The following PRIM2 variants were observed in gnomAD, a reference collection of about 807,000 sequenced individuals.
PRIM2 encodes the protein DNA primase large subunit.
Under a neutral mutation model 67.3 loss-of-function variants are expected in PRIM2, and 39 were observed. The ratio of observed to expected loss-of-function variants is 0.58; its 90% CI spans 0.45 to 0.76. PRIM2 has a LOEUF of 0.76. Among genes scored for constraint, PRIM2 ranks in the 30% least tolerant of loss-of-function variants. The probability of loss-of-function intolerance (pLI) is 0.00; values close to 1 mark genes in which losing one functional copy is unlikely to be tolerated. For synonymous variants in PRIM2, 143 were observed against 198.7 expected (o/e 0.72, Z 2.36); for missense variants, 398 against 598.7 (o/e 0.66, Z 3.50).
intron 13 of PRIM2, among the ~76,000 whole-genome samples, chr6:57,642,563 C>T (rs1777262097): frequency 6.7e-6 from 1 of 149,658 alleles, no homozygotes; most frequent in African/African-American, 2.5e-5. Flanking sequence ...CTGCCTCAGC[C>T]TCCCGTGTAG....
intron 7 of PRIM2, among the ~76,000 whole-genome samples, chr6:57,446,858 A>G (rs1772384793): frequency 6.6e-6 from 1 of 152,122 alleles, no homozygotes; most frequent in African/African-American, 2.4e-5. Context: ...GGCTGCACCT[A>G]CTGTTCCATG....
At chr6:57,468,325 G>A (rs2127400626) in intron 7 of PRIM2, among the ~76,000 whole-genome samples, 1 of 152,300 alleles carries the variant, frequency 6.6e-6, no homozygotes, top group East Asian at 1.9e-4. Flanking sequence ...TTTATTGAGA[G>A]TTTTTAGTAT....
At chr6:57,585,526 T>G (rs1229430489) in intron 10 of PRIM2, among the ~76,000 whole-genome samples, 9 of 152,140 alleles carry the variant, frequency 5.9e-5, no homozygotes, top group Non-Finnish European at 1.3e-4. Context: ...GTGGGGAGAT[T>G]GTGGTTAAGC....
At chr6:57,433,263 A>T (rs1223528348) in intron 7 of PRIM2, among the ~76,000 whole-genome samples, 1 of 151,994 alleles carries the variant, frequency 6.6e-6, no homozygotes, top group African/African-American at 2.4e-5. Flanking sequence ...TTATACTTTA[A>T]GTTTTAGGGT....
intron 7 of PRIM2, among the ~76,000 whole-genome samples, chr6:57,469,373 G>A (rs1773282736): frequency 6.6e-6 from 1 of 152,202 alleles, no homozygotes; most frequent in Non-Finnish European, 1.5e-5. Context: ...AAAAACACTA[G>A]TGAATCACGT....
chr6:57,301,106 T>G, the PRIM2 span, among the ~76,000 whole-genome samples: 1 of 152,222 alleles, frequency 6.6e-6, no homozygotes, highest in Non-Finnish European at 1.5e-5. Flanking sequence ...TTATTATCCT[T>G]CCTACCTGTT....
intron 7 of PRIM2, among the ~76,000 whole-genome samples, chr6:57,386,246 GCAA>G (rs922780706): frequency 3.1e-4 from 44 of 142,070 alleles, no homozygotes; most frequent in African/African-American, 1.0e-3. Flanking sequence ...AACAACAACA[GCAA>G]CAACAACAAC....
chr6:57,255,617 G>A, the PRIM2 span, among the ~76,000 whole-genome samples: 1 of 152,090 alleles, frequency 6.6e-6, no homozygotes, highest in African/African-American at 2.4e-5. Context: ...TACACTGGTT[G>A]GGGAGGGAGT....
intron 5 of PRIM2, among the ~76,000 whole-genome samples, chr6:57,335,411 G>A (rs1336431802): frequency 2.6e-5 from 4 of 152,040 alleles, no homozygotes; most frequent in Admixed American, 1.3e-4. Flanking sequence ...TGGGGGCAGG[G>A]CACAGACAAA....
At chr6:57,476,259 G>A (rs1379197927) in intron 7 of PRIM2, among the ~76,000 whole-genome samples, 2 of 152,122 alleles carry the variant, frequency 1.3e-5, no homozygotes, top group Non-Finnish European at 2.9e-5. Flanking sequence ...TTTAGTGTCA[G>A]TACCCAGTTG....
intron 7 of PRIM2, among the ~76,000 whole-genome samples, chr6:57,429,645 T>A (rs4569967): frequency 6.6e-6 from 1 of 152,150 alleles, no homozygotes; most frequent in East Asian, 1.9e-4. Flanking sequence ...TAAGTTAAAA[T>A]GAGGCTTTTA....
At chr6:57,408,477 G>A (rs1770974690) in intron 7 of PRIM2, among the ~76,000 whole-genome samples, 1 of 152,170 alleles carries the variant, frequency 6.6e-6, no homozygotes, top group Non-Finnish European at 1.5e-5. Flanking sequence ...CCATGAGAAA[G>A]TAGATTTGTT....
intron 7 of PRIM2, among the ~76,000 whole-genome samples, chr6:57,427,351 C>T (rs1334008640): frequency 6.6e-6 from 1 of 152,152 alleles, no homozygotes; most frequent in Non-Finnish European, 1.5e-5. Context: ...AGACTTGTCG[C>T]TCTGTTGCTC....
chr6:57,373,381 A>T (rs902167519), intron 5 of PRIM2, among the ~76,000 whole-genome samples: 1 of 151,824 alleles, frequency 6.6e-6, no homozygotes, highest in African/African-American at 2.4e-5. Flanking sequence ...AGATTGCAAA[A>T]ATTTTCTCCC....
intron 8 of PRIM2, among the ~76,000 whole-genome samples, chr6:57,525,179 G>A (rs1158563084): frequency 6.6e-6 from 1 of 151,310 alleles, no homozygotes; most frequent in Non-Finnish European, 1.5e-5. Flanking sequence ...CGTCTGTTAT[G>A]TGATAACCCT....
intron 5 of PRIM2, among the ~76,000 whole-genome samples, chr6:57,374,538 C>T (rs1313380036): frequency 3.3e-5 from 5 of 150,852 alleles, no homozygotes; most frequent in Admixed American, 1.3e-4. Flanking sequence ...GTGATCCGCC[C>T]GTCTCGGCCT....
chr6:57,542,553 T>G (rs1775183999), intron 10 of PRIM2, among the ~76,000 whole-genome samples: 4 of 152,144 alleles, frequency 2.6e-5, no homozygotes, highest in Non-Finnish European at 5.9e-5. Flanking sequence ...TATTATGGAA[T>G]TTTTATTTTG....
At chr6:57,608,256 CCA>C (rs1776596338) in intron 12 of PRIM2, among the ~76,000 whole-genome samples, 1 of 151,926 alleles carries the variant, frequency 6.6e-6, no homozygotes, top group Non-Finnish European at 1.5e-5. Flanking sequence ...AGAATAAGTT[CCA>C]CAGAGTCCCT....
chr6:57,353,423 GTC>G (rs1466390131), intron 5 of PRIM2, among the ~76,000 whole-genome samples: 2 of 152,158 alleles, frequency 1.3e-5, no homozygotes, highest in Non-Finnish European at 2.9e-5. Flanking sequence ...TTAAAATTCT[GTC>G]TCTCCTGATT....
Sources: gnomAD v4.1 joint callset for allele counts (sites outside exome capture counted in the v4.1 genomes callset) on GRCh38, gnomAD v4.1.1 for gene constraint, MANE v1.5 for transcripts, NCBI Gene and HGNC (gene_info 2026-07-23, HGNC 2026-07-21) for gene names.